MOSMO: variants seen among roughly 807,000 people sequenced by gnomAD.
MOSMO encodes the protein modulator of smoothened protein.
Under a neutral mutation model 18.4 loss-of-function variants are expected in MOSMO, and 5 were observed. The observed-to-expected ratio is 0.27, with a 90% CI of 0.14 to 0.57. The LOEUF (loss-of-function observed/expected upper bound fraction) is 0.57. MOSMO is among the 20% of genes least tolerant of loss of function. The pLI, the probability that MOSMO is intolerant of heterozygous loss-of-function variation, is 0.92. For missense variants in MOSMO, 138 were observed against 211.8 expected (o/e 0.65, Z 2.16); for synonymous variants, 82 against 82.3 (o/e 1.00, Z 0.02).
At chr16:22,047,238 ATT>A (rs770005970) in intron 1 of MOSMO, among the ~76,000 whole-genome samples, 52 of 110,826 alleles carry the variant, frequency 4.7e-4, no homozygotes, top group African/African-American at 1.6e-3. Flanking sequence ...ATGCACCATA[ATT>A]TTTTTTTTTT....
Position 22,034,741 on chromosome 16 carries a change from T to G in MOSMO, c.106+26334T>G, listed in dbSNP as rs1206073940. Among the ~76,000 whole-genome samples, 229 of 140,230 alleles carry G rather than the reference T, an allele frequency of 1.6e-3. 1 individual carries two copies. Among genetic ancestry groups the G allele is most frequent in the Non-Finnish European group, 3.0e-3 (194 of 64,786 alleles). 92.0% of individuals were successfully genotyped at this position (140,230 alleles called of 152,430 possible). ...AAACTGTTTTTTTTGTTTGTTTTTT[T>G]GGGTTTTTTTTTTTTTTTTTTTTTT... On this transcript the variant is annotated intron_variant, in intron 1 of 2. Transcript: ENST00000542527.
At chr16:22,051,120 G>C (rs1377044102) in intron 1 of MOSMO, among the ~76,000 whole-genome samples, 1 of 152,122 alleles carries the variant, frequency 6.6e-6, no homozygotes, top group Non-Finnish European at 1.5e-5. Context: ...GGGCGCGATG[G>C]CTCATACCTG....
At chr16:22,026,001 G>A (rs189361686) in intron 1 of MOSMO, among the ~76,000 whole-genome samples, 2 of 151,980 alleles carry the variant, frequency 1.3e-5, no homozygotes, top group East Asian at 3.9e-4. Flanking sequence ...ATGTAATCAG[G>A]CCTAGTTTTT....
intron 1 of MOSMO, among the ~76,000 whole-genome samples, chr16:22,072,206 G>A (rs1900868256): frequency 6.6e-6 from 1 of 152,128 alleles, no homozygotes; most frequent in Admixed American, 6.5e-5. Context: ...ATTCCTTGAG[G>A]TAAAATATTA....
chr16:22,039,921 C>T (rs1900178876), intron 1 of MOSMO, among the ~76,000 whole-genome samples: 1 of 152,140 alleles, frequency 6.6e-6, no homozygotes. Flanking sequence ...TACTGGCTCC[C>T]TCCACTAGAA....
At chr16:22,045,354 G>A (rs1232334803) in intron 1 of MOSMO, among the ~76,000 whole-genome samples, 1 of 152,060 alleles carries the variant, frequency 6.6e-6, no homozygotes, top group Non-Finnish European at 1.5e-5. Context: ...TACAGGAGTG[G>A]GAAAGGCATA....
intron 1 of MOSMO, among the ~76,000 whole-genome samples, chr16:22,040,910 G>A (rs1299307488): frequency 2.0e-5 from 3 of 152,124 alleles, no homozygotes; most frequent in Admixed American, 6.5e-5. Flanking sequence ...GTTACAGTGA[G>A]CCAAGATCGC....
At chr16:22,068,519 T>C (rs1900789444) in intron 1 of MOSMO, among the ~76,000 whole-genome samples, 1 of 152,204 alleles carries the variant, frequency 6.6e-6, no homozygotes, top group Admixed American at 6.5e-5. Context: ...AAAGAAACCC[T>C]GTACTTCCCA....
chr16:22,008,682 C>T (rs919266257), intron 1 of MOSMO, among the ~76,000 whole-genome samples: 2 of 150,670 alleles, frequency 1.3e-5, no homozygotes, highest in African/African-American at 4.9e-5. Context: ...AGTCCCGGAC[C>T]GGGGAGGAGG....
In MOSMO at chr16:22,044,930, C is replaced by T. The variant is rs565036279; in HGVS notation, c.107-30557C>T. Among the ~76,000 whole-genome samples, 321 of 152,014 alleles carry T rather than the reference C, an allele frequency of 2.1e-3. 3 individuals are homozygous for T. The highest frequency in any genetic ancestry group is 6.8e-3 in the African/African-American group (281 of 41,446). On this transcript the variant is annotated intron_variant, in intron 1 of 2. Transcript: ENST00000542527. ...GTGGCTCACACATGTAATCCCAACA[C>T]TTTGGGAGACCAGGGTGGGCAGATT...
intron 1 of MOSMO, among the ~76,000 whole-genome samples, chr16:22,045,184 C>CAAA (rs1207459889): frequency 1.7e-5 from 2 of 115,988 alleles, no homozygotes; most frequent in Non-Finnish European, 3.6e-5. Flanking sequence ...GACATTGTCT[C>CAAA]AAAAAAAAAA....
At chr16:22,038,194 T>A (rs753198975) in intron 1 of MOSMO, among the ~76,000 whole-genome samples, 33 of 152,180 alleles carry the variant, frequency 2.2e-4, no homozygotes, top group Admixed American at 2.0e-4. Context: ...TATAACAAGA[T>A]GAAATTGAAA....
intron 1 of MOSMO, among the ~76,000 whole-genome samples, chr16:22,048,367 G>A (rs1424415512): frequency 6.6e-6 from 1 of 152,202 alleles, no homozygotes; most frequent in Non-Finnish European, 1.5e-5. Flanking sequence ...TGCTGCTGCT[G>A]CAACATCAAC....
intron 1 of MOSMO, 68 bp downstream of exon 1, chr16:22,008,475 G>A: frequency 9.8e-7 from 1 of 1,023,454 alleles, no homozygotes; most frequent in East Asian, 4.4e-5. Context: ...GGGAGACCCG[G>A]ACTGAGGAGA....
At chr16:22,092,520 C>T (rs114055232), downstream of MOSMO, 127 of 1,358,082 alleles carry the variant, frequency 9.4e-5, no homozygotes, top group African/African-American at 8.4e-4. Flanking sequence ...AACACATTCC[C>T]GCAGGGCAAG....
chr16:22,053,836 AGAAAC>A (rs1900478714), intron 1 of MOSMO, among the ~76,000 whole-genome samples: 1 of 152,286 alleles, frequency 6.6e-6, no homozygotes, highest in Non-Finnish European at 1.5e-5. Context: ...TTCAAGGAAA[AGAAAC>A]GGAGTAGTTG....
At chr16:22,034,429 A>G (rs762899987) in intron 1 of MOSMO, among the ~76,000 whole-genome samples, 1 of 152,286 alleles carries the variant, frequency 6.6e-6, no homozygotes, top group Middle Eastern at 3.4e-3. Flanking sequence ...TTTTTGTTTG[A>G]GAAAGTCTTT....
At chr16:22,056,870 C>T (rs1261731686) in intron 1 of MOSMO, among the ~76,000 whole-genome samples, 8 of 152,136 alleles carry the variant, frequency 5.3e-5, no homozygotes, top group African/African-American at 1.9e-4. Context: ...TTAGGGATAC[C>T]TTTAGTCCAT....
intron 1 of MOSMO, among the ~76,000 whole-genome samples, chr16:22,022,712 T>G (rs1014613957): frequency 2.0e-5 from 3 of 152,040 alleles, no homozygotes; most frequent in African/African-American, 7.2e-5. Flanking sequence ...TGACCCCCGA[T>G]ATGGTAGTAT....
Sources: gnomAD v4.1 joint callset for allele counts (sites outside exome capture counted in the v4.1 genomes callset) on GRCh38, gnomAD v4.1.1 for gene constraint, MANE v1.5 for transcripts, NCBI Gene and HGNC (gene_info 2026-07-23, HGNC 2026-07-21) for gene names.